The following AATF variants were observed in gnomAD, a reference collection of about 807,000 sequenced individuals.
The protein encoded by AATF is apoptosis antagonizing transcription factor, also known as protein AATF.
Under a neutral mutation model 63.7 loss-of-function variants are expected in AATF, and 48 were observed. That is an observed-to-expected ratio of 0.75 (90% CI 0.60 to 0.96). The LOEUF is 0.96. Ranked by LOEUF, AATF falls within the 40% of genes least tolerant of loss-of-function variation. The pLI, the probability that AATF is intolerant of heterozygous loss-of-function variation, is 0.00. For missense variants in AATF, 639 were observed against 685.7 expected (o/e 0.93, Z 0.76); for synonymous variants, 258 against 247.7 (o/e 1.04, Z -0.39).
At chr17:37,021,821 AT>A (rs747265897) in intron 10 of AATF, among the ~76,000 whole-genome samples, 1,353 of 94,068 alleles carry the variant, frequency 0.014, 135 homozygotes, top group Middle Eastern at 0.029. Context: ...AAAAAAAAAA[AT>A]AATAATAATA....
intron 4 of AATF, among the ~76,000 whole-genome samples, chr17:36,973,791 C>T (rs1344273982): frequency 6.6e-6 from 1 of 152,002 alleles, no homozygotes; most frequent in Non-Finnish European, 1.5e-5. Flanking sequence ...GCCAAGCAGG[C>T]TGGGGACGGT....
chr17:36,992,532 T>G (rs1185789054), intron 8 of AATF, among the ~76,000 whole-genome samples: 1 of 151,996 alleles, frequency 6.6e-6, no homozygotes. Flanking sequence ...CGATGAAAAG[T>G]GCATCATAAA....
intron 10 of AATF, 73 bp downstream of exon 10, chr17:37,021,087 G>A (rs2071466522): frequency 3.6e-6 from 4 of 1,126,552 alleles, no homozygotes; most frequent in East Asian, 2.9e-5. Context: ...TGGCTGTTAT[G>A]TCATTTTTCT....
At chr17:36,960,856 T>A (rs1280775257) in intron 4 of AATF, among the ~76,000 whole-genome samples, 2 of 152,222 alleles carry the variant, frequency 1.3e-5, no homozygotes, top group African/African-American at 4.8e-5. Flanking sequence ...CTTCAGCTGA[T>A]GGCTATCATT....
At chr17:37,041,070 A>T (rs1004322033) in intron 11 of AATF, among the ~76,000 whole-genome samples, 1 of 152,218 alleles carries the variant, frequency 6.6e-6, no homozygotes, top group Non-Finnish European at 1.5e-5. Context: ...AGGACAAAGA[A>T]AAATTTGTCA....
intron 8 of AATF, among the ~76,000 whole-genome samples, chr17:37,001,743 A>T (rs554841148): frequency 6.6e-6 from 1 of 152,324 alleles, no homozygotes; most frequent in African/African-American, 2.4e-5. Context: ...CAGAGACTGA[A>T]TGCTTTCTCC....
chr17:36,974,089 A>C (rs898888266), intron 4 of AATF, among the ~76,000 whole-genome samples: 10 of 151,736 alleles, frequency 6.6e-5, no homozygotes, highest in Non-Finnish European at 1.3e-4. Flanking sequence ...AAAGGAAAAG[A>C]CAGAAAATAG....
chr17:37,034,684 A>G (rs770279113), intron 11 of AATF: 3 of 152,238 alleles, frequency 2.0e-5, no homozygotes, highest in Non-Finnish European at 4.4e-5. Flanking sequence ...AAAGACATCA[A>G]AAACAAAGTT....
rs553925034 is a variant in AATF at position 36,984,090 on chromosome 17, A to G, written c.833-2527A>G. 5.3e-5 allele frequency among the ~76,000 whole-genome samples: 8 copies of G among 152,356 alleles called. No individual in the cohort carries two copies. In the South Asian group the frequency reaches 8.3e-4, roughly 16 times the overall value. ...TGCTGGACAGGGTAGAAGCAGAAGC[A>G]GAAAAGAAAGAATAAGACATAAAAA... On this transcript the variant is annotated intron_variant, in intron 4 of 11. Transcript: ENST00000619387.
Position 36,983,937 on chromosome 17 carries a change from T to C in AATF, c.833-2680T>C, listed in dbSNP as rs568888482. On this transcript the variant is annotated intron_variant, in intron 4 of 11. Transcript: ENST00000619387. The stretch of plus-strand genomic sequence containing the variant: ...GTCTGAGATGGCTCTCTCAGGTAGG[T>C]TGGCTCTCAGGCCTGACATTGAAAT... Among the ~76,000 whole-genome samples, 4 of 152,324 alleles carry C rather than the reference T, an allele frequency of 2.6e-5. No homozygotes were observed. In the South Asian group the frequency reaches 6.2e-4, roughly 24 times the overall value.
chr17:37,006,143 A>G (rs2071339701), intron 8 of AATF, among the ~76,000 whole-genome samples: 1 of 152,060 alleles, frequency 6.6e-6, no homozygotes, highest in Non-Finnish European at 1.5e-5. Context: ...TCTCTAAAAA[A>G]AGAAAAAAAA....
rs71368436 is a variant in AATF at position 37,007,359 on chromosome 17, ATTTTTT to A, written c.1399-11624_1399-11619del. On this transcript the variant is annotated intron_variant, in intron 8 of 11. Transcript: ENST00000619387. ...TATGCCACCACACCTGGCTAATTTA[ATTTTTT>A]TTTTTTTTTTTTTTTTTTTTTAGCG... Among the ~76,000 whole-genome samples, 4 of 112,576 alleles carry A rather than the reference ATTTTTT, an allele frequency of 3.6e-5. No homozygotes were observed. The South Asian group carries it at 8.5e-4, about 24-fold the overall frequency. The allele number at this position is 112,576 out of a possible 152,430, so 73.9% of individuals were successfully genotyped here.
chr17:36,989,864 T>G (rs998947177), intron 7 of AATF, among the ~76,000 whole-genome samples: 2 of 152,154 alleles, frequency 1.3e-5, no homozygotes, highest in Non-Finnish European at 2.9e-5. Context: ...TACTTAATCC[T>G]TTTTTAGTTT....
chr17:36,982,619 T>TG (rs1417009736), intron 4 of AATF, among the ~76,000 whole-genome samples: 1 of 152,242 alleles, frequency 6.6e-6, no homozygotes, highest in Admixed American at 6.5e-5. Context: ...CCCAAAGTAC[T>TG]GGGATTACAG....
intron 4 of AATF, among the ~76,000 whole-genome samples, chr17:36,954,530 A>G (rs553421463): frequency 1.7e-4 from 26 of 152,340 alleles, no homozygotes; most frequent in South Asian, 1.0e-3. Flanking sequence ...TTTTAGAACA[A>G]TGTGCTAAGA....
intron 8 of AATF, among the ~76,000 whole-genome samples, chr17:37,006,524 T>A (rs1466678446): frequency 6.6e-6 from 1 of 152,256 alleles, no homozygotes; most frequent in African/African-American, 2.4e-5. Flanking sequence ...TTCCTTTTAT[T>A]TGTTGGAAAC....
intron 4 of AATF, among the ~76,000 whole-genome samples, chr17:36,968,265 TCTTTC>T (rs2071009094): frequency 2.9e-5 from 3 of 103,768 alleles, no homozygotes; most frequent in African/African-American, 1.5e-4. Context: ...TTTCTTTCCT[TCTTTC>T]TTTTTTTTTT....
At chr17:37,021,086 T>C (rs1053103513) in intron 10 of AATF, 72 bp downstream of exon 10, 5 of 1,145,476 alleles carry the variant, frequency 4.4e-6, no homozygotes, top group African/African-American at 3.2e-5. Flanking sequence ...CTGGCTGTTA[T>C]GTCATTTTTC....
At position 37,006,766 on chromosome 17, in the gene AATF, G is replaced by A. The variant is rs957442047; in HGVS notation, c.1399-12239G>A. Reference sequence around the variant, plus strand: ...TGGCCAAGCTTAGTGAAATATTATGGCCTTTGAAGTATTTTAGGGCTTGTG... The same window carrying A: ...TGGCCAAGCTTAGTGAAATATTATGACCTTTGAAGTATTTTAGGGCTTGTG... On this transcript the variant is annotated intron_variant, in intron 8 of 11. Transcript: ENST00000619387. Among the ~76,000 whole-genome samples, 14 of 152,290 alleles carry A rather than the reference G, an allele frequency of 9.2e-5. 1 individual carries two copies. Among genetic ancestry groups the A allele is most frequent in the Admixed American group, 8.5e-4 (13 of 15,294 alleles).
Sources: gnomAD v4.1 joint callset for allele counts (sites outside exome capture counted in the v4.1 genomes callset) on GRCh38, gnomAD v4.1.1 for gene constraint, MANE v1.5 for transcripts, NCBI Gene and HGNC (gene_info 2026-07-23, HGNC 2026-07-21) for gene names.